The following MACROD1 variants were observed in gnomAD, a reference collection of about 807,000 sequenced individuals.
The protein encoded by MACROD1 is mono-ADP ribosylhydrolase 1, also known as ADP-ribose glycohydrolase MACROD1.
MACROD1 carries 31 observed loss-of-function variants against 41.4 expected under a neutral mutation model. That is an observed-to-expected ratio of 0.75 (90% CI 0.56 to 1.01). The LOEUF (loss-of-function observed/expected upper bound fraction) is 1.01, where lower values mean the gene tolerates loss of function less well. MACROD1 is among the 50% of genes least tolerant of loss of function. The pLI, the probability that MACROD1 is intolerant of heterozygous loss-of-function variation, is 0.00. For synonymous variants in MACROD1, 252 were observed against 203.4 expected (o/e 1.24, Z -2.03); for missense variants, 473 against 460.0 (o/e 1.03, Z -0.26).
rs1222922510 is a variant in MACROD1, at chr11:64,087,362, C to A, written c.517+63877G>T. 2.3e-4 allele frequency among the ~76,000 whole-genome samples: 35 copies of A among 152,160 alleles called. 1 individual carries two copies. Among genetic ancestry groups the A allele is most frequent in the Non-Finnish European group, 1.5e-5 (1 of 68,006 alleles). ...CCCCAACCCTGCCACCCCTGCCACC[C>A]CTGCCACGGCTGTAGCCCTGACCAC... On this transcript the variant is annotated intron_variant, in intron 3 of 10. Coordinates refer to ENST00000255681, the MANE Select transcript of MACROD1 (RefSeq NM_014067.4).
chr11:64,063,979 G>C (rs1456013140), intron 3 of MACROD1, among the ~76,000 whole-genome samples: 2 of 152,178 alleles, frequency 1.3e-5, no homozygotes, highest in Non-Finnish European at 1.5e-5. Flanking sequence ...AATCGCATCC[G>C]AGTGACGGCT....
intron 3 of MACROD1, among the ~76,000 whole-genome samples, chr11:64,051,589 G>A (rs966702048): frequency 3.3e-5 from 5 of 152,210 alleles, no homozygotes; most frequent in Admixed American, 1.3e-4. Context: ...TCTGACAGAC[G>A]GCCTTGTGCC....
At position 64,064,492 on chromosome 11, in the gene MACROD1, C is replaced by T. The variant is rs1031072073; in HGVS notation, c.518-49211G>A. 2.6e-5 allele frequency among the ~76,000 whole-genome samples: 4 copies of T among 152,110 alleles called. No individual in the cohort carries two copies. Among genetic ancestry groups the T allele is most frequent in the African/African-American group, 4.8e-5 (2 of 41,424 alleles). On this transcript the variant is annotated intron_variant, in intron 3 of 10. Coordinates refer to ENST00000255681, the MANE Select transcript of MACROD1 (RefSeq NM_014067.4). This position sits in a 1 kb window ranked among gnomAD's most constrained non-coding sequence, Gnocchi z 4.5. ...AGAACCGGAGGCCTCAGGCCTGCCC[C>T]GGATGGGCACGCAGGCAGGGTGCAT... is the stretch of plus-strand genomic sequence containing the variant.
intron 3 of MACROD1, 22 bp from the exon 4 acceptor site, chr11:64,015,303 G>A (rs757785814): frequency 2.5e-5 from 40 of 1,602,782 alleles, no homozygotes; most frequent in Middle Eastern, 1.7e-4. Context: ...AGAGACAAAG[G>A]CAGATCAGTG....
At chr11:64,158,289 G>A (rs1041968974) in intron 1 of MACROD1, among the ~76,000 whole-genome samples, 3 of 152,176 alleles carry the variant, frequency 2.0e-5, no homozygotes, top group Admixed American at 1.3e-4. Flanking sequence ...GTGTCACCAC[G>A]GCCAGCACAG....
intron 3 of MACROD1, among the ~76,000 whole-genome samples, chr11:64,076,935 C>T (rs922356444): frequency 4.6e-5 from 7 of 152,260 alleles, no homozygotes; most frequent in Admixed American, 2.0e-4. Context: ...GGGATCAGCA[C>T]GGAGAGAATT....
intron 3 of MACROD1, among the ~76,000 whole-genome samples, chr11:64,038,757 C>A (rs1487225440): frequency 6.6e-6 from 1 of 152,158 alleles, no homozygotes; most frequent in African/African-American, 2.4e-5. Context: ...ATGATATCAA[C>A]CACCTAGTCA....
chr11:64,131,656 T>G (rs1242519665), intron 3 of MACROD1, among the ~76,000 whole-genome samples: 1 of 152,122 alleles, frequency 6.6e-6, no homozygotes, highest in Admixed American at 6.5e-5. Context: ...GCAGCAGGAA[T>G]GTAAGCTCTC....
At chr11:64,145,968 C>G (rs1334087917) in intron 3 of MACROD1, among the ~76,000 whole-genome samples, 1 of 152,142 alleles carries the variant, frequency 6.6e-6, no homozygotes, top group Non-Finnish European at 1.5e-5. Context: ...CCAGGTTTCA[C>G]CATGTTGGCC....
chr11:64,010,888 G>A (rs1943002631), intron 4 of MACROD1, among the ~76,000 whole-genome samples: 2 of 143,634 alleles, frequency 1.4e-5, no homozygotes, highest in East Asian at 2.1e-4. Context: ...ATTGTTTGGG[G>A]TGTTGGCTGG....
rs188138370 is a variant in MACROD1, at chr11:64,065,080, A to C, written c.518-49799T>G. On this transcript the variant is annotated intron_variant, in intron 3 of 10. Coordinates refer to ENST00000255681, the MANE Select transcript of MACROD1 (RefSeq NM_014067.4). ...CAGCAGGGCCCAGCACAGGCACCTG[A>C]GCCAGACTCGGCGGCCTCGGAGAGA... 7.7e-4 allele frequency among the ~76,000 whole-genome samples: 118 copies of C among 152,318 alleles called. 1 individual carries two copies. The highest frequency in any genetic ancestry group is 2.7e-3 in the African/African-American group (114 of 41,568).
chr11:64,083,746 G>A (rs1944343440), intron 3 of MACROD1, among the ~76,000 whole-genome samples: 3 of 152,320 alleles, frequency 2.0e-5, no homozygotes, highest in South Asian at 4.1e-4. Flanking sequence ...TGTGGAATGG[G>A]GGTTCGGTGA....
chr11:64,100,773 G>A (rs749542550), intron 3 of MACROD1, among the ~76,000 whole-genome samples: 1 of 152,140 alleles, frequency 6.6e-6, no homozygotes, highest in South Asian at 2.1e-4. Context: ...AGCCTGAGAG[G>A]CCCCACTTAT....
chr11:64,063,349 G>A (rs1016894620), intron 3 of MACROD1, among the ~76,000 whole-genome samples: 3 of 152,158 alleles, frequency 2.0e-5, no homozygotes, highest in Non-Finnish European at 4.4e-5. Context: ...GCAGGGAGGT[G>A]CCACACACGT....
chr11:64,042,622 T>C (rs1943509892), intron 3 of MACROD1, among the ~76,000 whole-genome samples: 1 of 152,054 alleles, frequency 6.6e-6, no homozygotes, highest in Non-Finnish European at 1.5e-5. Context: ...TGGAAGCCCT[T>C]CCCTGCCTCA....
At chr11:64,043,278 G>T (rs1408509017) in intron 3 of MACROD1, among the ~76,000 whole-genome samples, 2 of 152,168 alleles carry the variant, frequency 1.3e-5, no homozygotes, top group East Asian at 3.8e-4. Flanking sequence ...CACCCTGCTC[G>T]GGGCTCTGAG....
intron 3 of MACROD1, among the ~76,000 whole-genome samples, chr11:64,041,170 C>T (rs1943476854): frequency 8.7e-6 from 1 of 115,352 alleles, no homozygotes; most frequent in African/African-American, 3.6e-5. Flanking sequence ...TAATCGTTGG[C>T]ACCAGATTAC....
intron 3 of MACROD1, among the ~76,000 whole-genome samples, chr11:64,150,269 C>T (rs1264623569): frequency 6.6e-6 from 1 of 152,238 alleles, no homozygotes; most frequent in African/African-American, 2.4e-5. Context: ...CACCATGCCC[C>T]AGAGTCACTG....
chr11:64,044,004 G>A (rs1943537911), intron 3 of MACROD1, among the ~76,000 whole-genome samples: 2 of 152,032 alleles, frequency 1.3e-5, no homozygotes, highest in Middle Eastern at 6.8e-3. Flanking sequence ...TAGTAGAGAC[G>A]GGGATTCACC....
Sources: allele counts gnomAD v4.1 joint callset (sites outside exome capture counted in the v4.1 genomes callset), GRCh38; gene constraint gnomAD v4.1.1; non-coding constraint Gnocchi (gnomAD v3.1); transcripts MANE v1.5; gene names NCBI Gene and HGNC (gene_info 2026-07-23, HGNC 2026-07-21).